CELF2: variants seen among roughly 807,000 people sequenced by gnomAD.
CELF2 encodes CUG triplet repeat RNA-binding protein 2.
Under a neutral mutation model 62.6 loss-of-function variants are expected in CELF2, and 8 were observed. The observed-to-expected ratio is 0.13, with a 90% CI of 0.07 to 0.23. The LOEUF is 0.23. CELF2 is among the 10% of genes least tolerant of loss of function. The pLI is 1.00. For synonymous variants in CELF2, 258 were observed against 250.0 expected (o/e 1.03, Z -0.30); for missense variants, 333 against 671.0 (o/e 0.50, Z 5.56).
intron 1 of CELF2, among the ~76,000 whole-genome samples, chr10:11,080,960 C>T (rs1178937628): frequency 6.6e-6 from 1 of 152,076 alleles, no homozygotes; most frequent in African/African-American, 2.4e-5. Flanking sequence ...CTGAGTGGGC[C>T]CAGTGAGATG....
chr10:11,059,894 T>G (rs931493645), intron 1 of CELF2, among the ~76,000 whole-genome samples: 1 of 152,200 alleles, frequency 6.6e-6, no homozygotes, highest in African/African-American at 2.4e-5. Flanking sequence ...TTTATCTGAT[T>G]AGGATAGGTT....
chr10:11,319,439 C>T lies in CELF2; in HGVS notation c.1097-1750C>T, dbSNP rs908748628. Among the ~76,000 whole-genome samples, 11 of 152,292 alleles carry T rather than the reference C, an allele frequency of 7.2e-5. No individual in the cohort carries two copies. Among genetic ancestry groups the T allele is most frequent in the Admixed American group, 2.0e-4 (3 of 15,308 alleles). On this transcript the variant is annotated intron_variant, in intron 10 of 12. Coordinates refer to ENST00000633077, the MANE Select transcript of CELF2 (RefSeq NM_001326342.2). This position sits in a 1 kb window ranked among gnomAD's most constrained non-coding sequence, Gnocchi z 4.4. Reference sequence around the variant, plus strand: ...GGGAAGCACAGCGGCAGGGAGGTGGCCGCGATTTGCTGGTGTCCGAGGGAT... The same window carrying T: ...GGGAAGCACAGCGGCAGGGAGGTGGTCGCGATTTGCTGGTGTCCGAGGGAT...
chr10:10,706,592 T>C, the CELF2 span, among the ~76,000 whole-genome samples: 2,511 of 152,028 alleles, frequency 0.017, 34 homozygotes, highest in African/African-American at 0.037. Context: ...AATAGGAAAA[T>C]GTGGTAGAAT....
chr10:11,009,267 C>A (rs2055953978), intron 1 of CELF2, among the ~76,000 whole-genome samples: 2 of 152,018 alleles, frequency 1.3e-5, no homozygotes, highest in African/African-American at 4.8e-5. Flanking sequence ...AGCCGAAGCA[C>A]CTTTCTGATT....
At chr10:10,491,118 G>T in the CELF2 span, among the ~76,000 whole-genome samples, 1 of 152,276 alleles carries the variant, frequency 6.6e-6, no homozygotes, top group South Asian at 2.1e-4. Flanking sequence ...CTCTGAACCA[G>T]CTTAGCTCCC....
At chr10:11,295,477 G>T (rs930651699) in intron 9 of CELF2, among the ~76,000 whole-genome samples, 2 of 152,210 alleles carry the variant, frequency 1.3e-5, no homozygotes, top group Non-Finnish European at 2.9e-5. Context: ...TAAATTTTGT[G>T]AATGAGACCA....
At chr10:10,545,307 C>T in the CELF2 span, among the ~76,000 whole-genome samples, 2 of 152,150 alleles carry the variant, frequency 1.3e-5, no homozygotes, top group African/African-American at 2.4e-5. Context: ...TAATTCACAT[C>T]CCCACTCAGG....
At chr10:10,582,793 T>C in the CELF2 span, among the ~76,000 whole-genome samples, 1 of 152,192 alleles carries the variant, frequency 6.6e-6, no homozygotes. Flanking sequence ...TCCCAGGTCA[T>C]GACCTTCTTC....
rs2066433578 is a variant in CELF2 at position 10,934,566 on chromosome 10, T to C, written c.89+14567T>C. On this transcript the variant is annotated intron_variant, in intron 2 of 13. Coordinates refer to the CELF2 transcript ENST00000636488. This position sits in a 1 kb window ranked among gnomAD's most constrained non-coding sequence, Gnocchi z 4.4. ...ATATTATTTGCTTAAACTCAGGCAA[T>C]GAAGGAGGGAGCGAGCAGTCCACAT... is the stretch of plus-strand genomic sequence containing the variant. 1 of 152,180 alleles carries C rather than the reference T, an allele frequency of 6.6e-6. No individual in the cohort carries two copies. The highest frequency in any genetic ancestry group is 1.5e-5 in the Non-Finnish European group (1 of 68,028). The allele number at this position is 152,180 out of a possible 1,614,324, so 9.4% of individuals were successfully genotyped here.
chr10:11,043,104 C>T (rs1292951650), intron 1 of CELF2, among the ~76,000 whole-genome samples: 3 of 152,198 alleles, frequency 2.0e-5, no homozygotes, highest in Non-Finnish European at 2.9e-5. Flanking sequence ...AAAGTGGCTG[C>T]ACCATTTTAC....
In CELF2 at chr10:11,071,894, G is replaced by A. The variant is rs532087959; in HGVS notation, c.74+53731G>A. ...GTCCCGAGTCAATGGGGTCATGTTG[G>A]TGACATGTTTGGACATGTATAGAAG... is the stretch of plus-strand genomic sequence containing the variant. On this transcript the variant is annotated intron_variant, in intron 1 of 12. Transcript: ENST00000633077. Among the ~76,000 whole-genome samples the A allele has an allele frequency of 1.1e-4, 16 of 152,324 alleles. No individual in the cohort carries two copies. In the South Asian group the frequency reaches 3.1e-3, roughly 30 times the overall value.
chr10:10,693,894 TTC>T, the CELF2 span, among the ~76,000 whole-genome samples: 2 of 152,040 alleles, frequency 1.3e-5, no homozygotes, highest in African/African-American at 2.4e-5. Flanking sequence ...TATTTCATTC[TTC>T]TCTCTTTTTT....
chr10:10,723,136 C>T, the CELF2 span, among the ~76,000 whole-genome samples: 20 of 152,296 alleles, frequency 1.3e-4, 1 homozygote, highest in East Asian at 1.2e-3. Flanking sequence ...TGTAGTCAAT[C>T]GGAAATATGG....
chr10:10,625,619 C>G, the CELF2 span, among the ~76,000 whole-genome samples: 1 of 152,160 alleles, frequency 6.6e-6, no homozygotes, highest in Admixed American at 6.5e-5. Flanking sequence ...AAACTTCTTA[C>G]TTGATCATTT....
intron 2 of CELF2, among the ~76,000 whole-genome samples, chr10:11,196,476 C>A (rs541631899): frequency 2.0e-5 from 3 of 151,072 alleles, no homozygotes; most frequent in African/African-American, 7.3e-5. Flanking sequence ...CCAGCCTGGG[C>A]AATACAGCGA....
At chr10:11,203,831 T>C (rs191286371) in intron 2 of CELF2, among the ~76,000 whole-genome samples, 1 of 152,218 alleles carries the variant, frequency 6.6e-6, no homozygotes, top group Non-Finnish European at 1.5e-5. Flanking sequence ...GTTCTCACCA[T>C]GGAAACTCTT....
At chr10:11,258,983 C>G (rs1026581537) in intron 5 of CELF2, among the ~76,000 whole-genome samples, 1 of 152,252 alleles carries the variant, frequency 6.6e-6, no homozygotes, top group Non-Finnish European at 1.5e-5. Flanking sequence ...CGCACCCAGC[C>G]TGTGTTTTTC....
At position 11,157,877 on chromosome 10, in the gene CELF2, G is replaced by A. The variant is rs1388987741; in HGVS notation, c.75-7609G>A. Among the ~76,000 whole-genome samples, 1 of 152,224 alleles carries A rather than the reference G, an allele frequency of 6.6e-6. No homozygotes were observed. The highest frequency in any genetic ancestry group is 2.4e-5 in the African/African-American group (1 of 41,450). On this transcript the variant is annotated intron_variant, in intron 1 of 12. Transcript: ENST00000633077. The surrounding 1 kb of genome is among the most constrained non-coding windows in gnomAD (Gnocchi z 4.9). ...AGTATCTTCAGTGGTGAAAACAGAA[G>A]TTACCTGCCTTGAGAAGCACAGTCA...
rs1288125124 is a variant in CELF2, at chr10:11,260,488, C to T, written c.538+2616C>T. ...AAAGAGCAGGACACGCAGTACTTAA[C>T]AAGAGAACTTAGCTAATTTGATCTG... On this transcript the variant is annotated intron_variant, in intron 5 of 12. Coordinates refer to ENST00000633077, the MANE Select transcript of CELF2 (RefSeq NM_001326342.2). The surrounding 1 kb of genome is among the most constrained non-coding windows in gnomAD (Gnocchi z 4.2). Among the ~76,000 whole-genome samples the T allele has an allele frequency of 6.6e-6, 1 of 152,212 alleles. No homozygotes were observed. The highest frequency in any genetic ancestry group is 1.5e-5 in the Non-Finnish European group (1 of 68,044).
Sources: gnomAD v4.1 joint callset for allele counts (sites outside exome capture counted in the v4.1 genomes callset) on GRCh38, gnomAD v4.1.1 for gene constraint, Gnocchi (gnomAD v3.1) non-coding constraint, MANE v1.5 for transcripts, NCBI Gene and HGNC (gene_info 2026-07-23, HGNC 2026-07-21) for gene names.